The following HIVEP3 variants were observed in gnomAD, a reference collection of about 807,000 sequenced individuals.
The protein encoded by HIVEP3 is transcription factor HIVEP3.
In HIVEP3, 49 loss-of-function variants were observed where a neutral mutation model predicts 152.8. The ratio of observed to expected loss-of-function variants is 0.32; its 90% confidence interval spans 0.26 to 0.41. The LOEUF (loss-of-function observed/expected upper bound fraction) is 0.41. Ranked by LOEUF, HIVEP3 falls within the 10% of genes least tolerant of loss-of-function variation. The pLI, the probability that HIVEP3 is intolerant of heterozygous loss-of-function variation, is 1.00. For missense variants in HIVEP3, 2,790 were observed against 3,103.3 expected, an observed-to-expected ratio of 0.90 and a Z score of 2.40; for synonymous variants, 1,269 against 1,289.0, an observed-to-expected ratio of 0.98 and a Z score of 0.33.
chr1:41,683,231 A>T (rs772596539), intron 2 of HIVEP3, among the ~76,000 whole-genome samples: 3 of 152,236 alleles, frequency 2.0e-5, no homozygotes, highest in Non-Finnish European at 4.4e-5. Context: ...CACTAAGCCA[A>T]CTGGACCCCA....
chr1:41,760,394 T>C (rs1353005830), intron 1 of HIVEP3, among the ~76,000 whole-genome samples: 5 of 152,164 alleles, frequency 3.3e-5, no homozygotes, highest in Admixed American at 3.3e-4. Context: ...TCTCTACTTC[T>C]GTCTCTGGGC....
intron 2 of HIVEP3, among the ~76,000 whole-genome samples, chr1:41,678,738 A>T (rs777365846): frequency 3.3e-5 from 5 of 152,202 alleles, no homozygotes; most frequent in Admixed American, 6.5e-5. Context: ...GCTTGAGGCC[A>T]GGTCCCCAGG....
At chr1:41,676,565 T>C (rs1461710780) in intron 2 of HIVEP3, among the ~76,000 whole-genome samples, 1 of 152,178 alleles carries the variant, frequency 6.6e-6, no homozygotes, top group Non-Finnish European at 1.5e-5. Flanking sequence ...TATAGAATGA[T>C]TTACATATTT....
chr1:41,641,731 C>G (rs1452220859), intron 2 of HIVEP3, among the ~76,000 whole-genome samples: 1 of 152,210 alleles, frequency 6.6e-6, no homozygotes, highest in Admixed American at 6.5e-5. Flanking sequence ...GAGCCAGTTG[C>G]TACGGCAAGA....
chr1:41,712,924 C>G (rs570036389), intron 1 of HIVEP3, among the ~76,000 whole-genome samples: 1 of 152,210 alleles, frequency 6.6e-6, no homozygotes, highest in Non-Finnish European at 1.5e-5. Context: ...GATCCTTGGC[C>G]TCCTGACACA....
chr1:41,688,030 C>T (rs1419139353), intron 2 of HIVEP3, among the ~76,000 whole-genome samples: 3 of 152,164 alleles, frequency 2.0e-5, no homozygotes, highest in Admixed American at 6.5e-5. Context: ...GATGGAGGAA[C>T]GATGGGGGAT....
At position 41,581,160 on chromosome 1, in the gene HIVEP3, G is replaced by T. The variant is rs1429286513; in HGVS notation, c.3638C>A (p.Ala1213Asp). The T allele has an allele frequency of 6.5e-7, 1 of 1,549,456 alleles. No homozygotes were observed. The change falls in exon 4 of 9, where the codon GCC becomes GAC. Residue 1213 changes from alanine to aspartate, a missense_variant. Physicochemically the swap from Ala to Asp is moderately radical, Grantham distance 126. Transcript: ENST00000372583. This position sits in a 1 kb window ranked among gnomAD's most constrained non-coding sequence, Gnocchi z 4.5. The stretch of plus-strand genomic sequence containing the variant: ...AGGGGGCTGCCTGAAGGGGATGTTG[G>T]CTGGGTGAGGCATGAGCTGGGGGAG... The part of the protein sequence containing the change: ...LHLPQLMPHP[A>D]NIPFRQPPSF...
At chr1:41,544,074 C>T (rs1643600721) in intron 5 of HIVEP3, 1 of 152,056 alleles carries the variant, frequency 6.6e-6, no homozygotes, top group Non-Finnish European at 1.5e-5. Flanking sequence ...GGAAGCAACA[C>T]CTTTATTGAT....
chr1:41,823,508 C>T (rs767676378), intron 1 of HIVEP3, among the ~76,000 whole-genome samples: 6 of 152,230 alleles, frequency 3.9e-5, no homozygotes, highest in Non-Finnish European at 7.3e-5. Context: ...TGCCAAGAGG[C>T]TTTTTGGCCA....
At chr1:41,712,711 G>T (rs1646532409) in intron 1 of HIVEP3, among the ~76,000 whole-genome samples, 1 of 152,220 alleles carries the variant, frequency 6.6e-6, no homozygotes, top group Non-Finnish European at 1.5e-5. Flanking sequence ...CAGGTCTCTT[G>T]TATCACAGGC....
chr1:42,005,344 T>A (rs539720717), intron 1 of HIVEP3, among the ~76,000 whole-genome samples: 10 of 152,218 alleles, frequency 6.6e-5, no homozygotes, highest in Admixed American at 4.6e-4. Flanking sequence ...CACGCACACA[T>A]ACATATATAT....
intron 2 of HIVEP3, among the ~76,000 whole-genome samples, chr1:41,678,555 C>T (rs1410573827): frequency 2.6e-5 from 4 of 152,010 alleles, no homozygotes; most frequent in African/African-American, 4.8e-5. Flanking sequence ...CACCCACACA[C>T]CTCTTCCCCA....
At chr1:41,725,149 T>C (rs1646733831) in intron 1 of HIVEP3, among the ~76,000 whole-genome samples, 1 of 152,214 alleles carries the variant, frequency 6.6e-6, no homozygotes, top group Non-Finnish European at 1.5e-5. Context: ...TTACCATCTT[T>C]GAATGAAACA....
intron 1 of HIVEP3, among the ~76,000 whole-genome samples, chr1:41,783,426 A>G (rs1649168729): frequency 6.6e-6 from 1 of 152,218 alleles, no homozygotes; most frequent in African/African-American, 2.4e-5. Flanking sequence ...ATTTGTCAGA[A>G]TGCTACAATA....
At chr1:41,890,542 G>A (rs908442385) in intron 1 of HIVEP3, among the ~76,000 whole-genome samples, 1 of 152,198 alleles carries the variant, frequency 6.6e-6, no homozygotes, top group South Asian at 2.1e-4. Context: ...GCTGAGGTTT[G>A]GGAGATGAAT....
intron 1 of HIVEP3, among the ~76,000 whole-genome samples, chr1:41,829,098 G>A (rs915692236): frequency 2.0e-5 from 3 of 151,936 alleles, no homozygotes; most frequent in African/African-American, 7.3e-5. Context: ...TGGCCTGCCT[G>A]GCCAGGCCAG....
At chr1:41,563,973 C>T (rs1282173676) in intron 5 of HIVEP3, among the ~76,000 whole-genome samples, 1 of 152,130 alleles carries the variant, frequency 6.6e-6, no homozygotes, top group African/African-American at 2.4e-5. Flanking sequence ...GAGGGCAGAT[C>T]ATGAGGTCTG....
rs1196735102 is a variant in HIVEP3, at chr1:41,548,551, T to C, written c.5208-23641A>G. 7.2e-5 allele frequency among the ~76,000 whole-genome samples: 11 copies of C among 152,298 alleles called. 1 individual carries two copies. Among genetic ancestry groups the C allele is most frequent in the African/African-American group, 2.6e-4 (11 of 41,576 alleles). ...AACCATTTTGGGTTTGTTTTTTTTTTTGAGACCGAGTTTTGCTCTTGTTGC... is the reference window on the plus strand; with the variant it reads ...AACCATTTTGGGTTTGTTTTTTTTTCTGAGACCGAGTTTTGCTCTTGTTGC... On this transcript the variant is annotated intron_variant, in intron 5 of 8. Coordinates refer to ENST00000372583, the MANE Select transcript of HIVEP3 (RefSeq NM_024503.5).
intron 3 of HIVEP3, among the ~76,000 whole-genome samples, chr1:41,623,331 G>A (rs1287158697): frequency 6.6e-6 from 1 of 152,328 alleles, no homozygotes; most frequent in Admixed American, 6.5e-5. Flanking sequence ...AGATAAAAAG[G>A]TGTTTCTCCC....
Sources: allele counts gnomAD v4.1 joint callset (sites outside exome capture counted in the v4.1 genomes callset), GRCh38; gene constraint gnomAD v4.1.1; non-coding constraint Gnocchi (gnomAD v3.1); transcripts MANE v1.5; gene names NCBI Gene and HGNC (gene_info 2026-07-23, HGNC 2026-07-21).